Variants in CNIH3 observed in about 807,000 individuals in gnomAD.
The protein encoded by CNIH3 is protein cornichon homolog 3.
Under a neutral mutation model 24.1 loss-of-function variants are expected in CNIH3, and 14 were observed. The observed-to-expected ratio is 0.58, with a 90% CI of 0.38 to 0.91. CNIH3 has a LOEUF of 0.91. Ranked by LOEUF, CNIH3 falls within the 40% of genes least tolerant of loss-of-function variation. The pLI is 0.00. For synonymous variants in CNIH3, 68 were observed against 73.8 expected (o/e 0.92, Z 0.40); for missense variants, 178 against 196.8 (o/e 0.90, Z 0.57).
At chr1:224,682,090 C>T (rs1686430169) in intron 2 of CNIH3, among the ~76,000 whole-genome samples, 1 of 152,116 alleles carries the variant, frequency 6.6e-6, no homozygotes, top group African/African-American at 2.4e-5. Context: ...TAGCTGCAGG[C>T]CTTATGAAGA....
intron 3 of CNIH3, among the ~76,000 whole-genome samples, chr1:224,605,823 A>C (rs185286907): frequency 6.6e-6 from 1 of 152,052 alleles, no homozygotes; most frequent in Non-Finnish European, 1.5e-5. Context: ...CCACCAAACT[A>C]TCTTTGAAAA....
chr1:224,548,102 T>A (rs1679774178), intron 3 of CNIH3, among the ~76,000 whole-genome samples: 1 of 152,032 alleles, frequency 6.6e-6, no homozygotes, highest in Non-Finnish European at 1.5e-5. Flanking sequence ...GTGATGTTAT[T>A]TATAACGTAT....
chr1:224,487,225 C>G (rs1289523398), intron 1 of CNIH3, among the ~76,000 whole-genome samples: 1 of 152,134 alleles, frequency 6.6e-6, no homozygotes, highest in Non-Finnish European at 1.5e-5. Flanking sequence ...TTGAGGTGAG[C>G]CTATCAGACC....
intron 1 of CNIH3, among the ~76,000 whole-genome samples, chr1:224,650,008 G>C (rs555399048): frequency 6.6e-6 from 1 of 152,280 alleles, no homozygotes; most frequent in South Asian, 2.1e-4. Flanking sequence ...GCAAGCTGTG[G>C]TTTCTGCTTT....
chr1:224,650,974 A>T (rs1406252303), intron 1 of CNIH3, among the ~76,000 whole-genome samples: 1 of 152,118 alleles, frequency 6.6e-6, no homozygotes, highest in South Asian at 2.1e-4. Flanking sequence ...GCAAGTCCTC[A>T]GTTTTCTGTG....
At chr1:224,665,763 A>G (rs1171143559) in intron 1 of CNIH3, among the ~76,000 whole-genome samples, 2 of 151,572 alleles carry the variant, frequency 1.3e-5, no homozygotes, top group African/African-American at 4.8e-5. Context: ...AGAGATTTAC[A>G]GTTCCTCCCT....
At chr1:224,574,267 G>A (rs539860703) in intron 4 of CNIH3, among the ~76,000 whole-genome samples, 7 of 152,136 alleles carry the variant, frequency 4.6e-5, no homozygotes, top group African/African-American at 7.2e-5. Context: ...CCCACTTACC[G>A]GCTTTGCAAA....
chr1:224,495,275 T>C (rs1677391753), intron 1 of CNIH3, among the ~76,000 whole-genome samples: 1 of 152,216 alleles, frequency 6.6e-6, no homozygotes, highest in Non-Finnish European at 1.5e-5. Flanking sequence ...GGTATTGTCC[T>C]TCCTATGGCA....
chr1:224,434,750 C>G (rs1237208144), exon 1 of CNIH3: 8 of 987,038 alleles, frequency 8.1e-6, no homozygotes, highest in Admixed American at 6.2e-5. Flanking sequence ...CGGATCCGCT[C>G]CGCTCTGCTC....
intron 2 of CNIH3, among the ~76,000 whole-genome samples, chr1:224,530,039 A>G (rs1283540762): frequency 6.6e-6 from 1 of 152,154 alleles, no homozygotes; most frequent in African/African-American, 2.4e-5. Context: ...CTGCCCTTAC[A>G]TCATGCTGTG....
chr1:224,509,019 C>T (rs887220116), intron 1 of CNIH3, among the ~76,000 whole-genome samples: 5 of 152,036 alleles, frequency 3.3e-5, no homozygotes, highest in Admixed American at 1.3e-4. Context: ...CTGGGCAAAC[C>T]TCATGGTAAA....
Position 224,616,521 on chromosome 1 carries a change from G to A in CNIH3, c.-654G>A. 2 of 987,324 alleles carry A rather than the reference G, an allele frequency of 2.0e-6. No individual in the cohort carries two copies. Among genetic ancestry groups the A allele is most frequent in the Non-Finnish European group, 2.4e-6 (2 of 830,984 alleles). 61.2% of individuals were successfully genotyped at this position (987,324 alleles called of 1,614,324 possible). A position where few individuals can be genotyped will look rare whatever the true frequency, so the allele number is the denominator to read the frequency against. On this transcript the variant is annotated 5_prime_UTR_variant, in exon 1 of 6. Transcript: ENST00000272133. ...GCTGGCCGGAGTCACGGTTGGGGAC[G>A]GGCGCGCCTCGGAGCGCACGGCTGC...
rs149762269 is a variant in CNIH3 at position 224,634,048 on chromosome 1, C to T, written c.81+16793C>T. Among the ~76,000 whole-genome samples, 5 of 152,340 alleles carry T rather than the reference C, an allele frequency of 3.3e-5. No individual in the cohort carries two copies. In the East Asian group the frequency reaches 9.7e-4, roughly 29 times the overall value. Reference sequence around the variant, plus strand: ...TGGTCTGGTGGGGAGGATGGATTTGCTGGACTTGTGGCCCTGAACATGCTT... The same window carrying T: ...TGGTCTGGTGGGGAGGATGGATTTGTTGGACTTGTGGCCCTGAACATGCTT... On this transcript the variant is annotated intron_variant, in intron 1 of 5. Coordinates refer to ENST00000272133, the MANE Select transcript of CNIH3 (RefSeq NM_152495.2).
At position 224,529,959 on chromosome 1, in the gene CNIH3, A is replaced by G. The variant is rs2124929081; in HGVS notation, n.344-6977A>G. 2.0e-5 allele frequency among the ~76,000 whole-genome samples: 3 copies of G among 152,326 alleles called. No individual in the cohort carries two copies. The Middle Eastern group carries it at 0.01, about 518-fold the overall frequency. ...TTGGCCAACATGGACCCGAAGATCCATGGAGGGGAGCCAGCTTGGTATTGC... is the reference window on the plus strand; with the variant it reads ...TTGGCCAACATGGACCCGAAGATCCGTGGAGGGGAGCCAGCTTGGTATTGC... On this transcript the variant is annotated intron_variant and non_coding_transcript_variant, in intron 2 of 2. Transcript: ENST00000470602.
At chr1:224,734,887 AG>A (rs1250480011) in intron 5 of CNIH3, among the ~76,000 whole-genome samples, 181 bp downstream of exon 5, 2 of 152,188 alleles carry the variant, frequency 1.3e-5, no homozygotes, top group Non-Finnish European at 2.9e-5. Flanking sequence ...TAAACAAGTA[AG>A]GGGGCAGGAG....
In CNIH3 at chr1:224,535,506, GAA is replaced by G. The variant is rs546018603; in HGVS notation, n.344-1429_344-1428del. Among the ~76,000 whole-genome samples the G allele has an allele frequency of 2.5e-3, 378 of 152,344 alleles. 2 individuals are homozygous for G. Among genetic ancestry groups the G allele is most frequent in the African/African-American group, 8.2e-3 (339 of 41,578 alleles). ...CCCTTTCATCAAGGTTAACGTGTCT[GAA>G]GTTTCATTTTCTAATGTTACTGTAC... is the stretch of plus-strand genomic sequence containing the variant. On this transcript the variant is annotated intron_variant and non_coding_transcript_variant, in intron 2 of 2. Transcript: ENST00000470602.
At chr1:224,721,848 G>A (rs572800616) in intron 3 of CNIH3, among the ~76,000 whole-genome samples, 1 of 152,262 alleles carries the variant, frequency 6.6e-6, no homozygotes, top group Non-Finnish European at 1.5e-5. Flanking sequence ...TTCTGGAGGT[G>A]GAAGGATGCT....
intron 1 of CNIH3, among the ~76,000 whole-genome samples, chr1:224,451,000 T>C (rs1675372992): frequency 6.6e-6 from 1 of 152,252 alleles, no homozygotes; most frequent in Non-Finnish European, 1.5e-5. Context: ...TTCCTTATTA[T>C]TTTCCAGCCT....
At position 224,605,110 on chromosome 1, in the gene CNIH3, G is replaced by A. The variant is rs185613310; in HGVS notation, n.402+38846G>A. 5.3e-5 allele frequency among the ~76,000 whole-genome samples: 8 copies of A among 152,320 alleles called. No homozygotes were observed. In the East Asian group the frequency reaches 1.5e-3, roughly 29 times the overall value. ...TAGAAAACCAATTAGGAAAGGGTAG[G>A]TATATGTAAAATAGGTGAAGGGTGG... On this transcript the variant is annotated intron_variant and non_coding_transcript_variant, in intron 3 of 7. Coordinates refer to the CNIH3 transcript ENST00000478120.
Sources: gnomAD v4.1 joint callset for allele counts (sites outside exome capture counted in the v4.1 genomes callset) on GRCh38, gnomAD v4.1.1 for gene constraint, MANE v1.5 for transcripts, NCBI Gene and HGNC (gene_info 2026-07-23, HGNC 2026-07-21) for gene names.